RIC1: variants seen among roughly 807,000 people sequenced by gnomAD.
RIC1 encodes guanine nucleotide exchange factor subunit RIC1.
Under a neutral mutation model 169.0 loss-of-function variants are expected in RIC1, and 88 were observed. The ratio of observed to expected loss-of-function variants is 0.52; its 90% CI spans 0.44 to 0.62. The LOEUF (loss-of-function observed/expected upper bound fraction) is 0.62. Among genes scored for constraint, RIC1 ranks in the 20% least tolerant of loss-of-function variants. RIC1 has a pLI of 0.00. For synonymous variants in RIC1, 790 were observed against 601.5 expected, an observed-to-expected ratio of 1.31 and a Z score of -4.59; for missense variants, 1,877 against 1,725.5, an observed-to-expected ratio of 1.09 and a Z score of -1.56.
chr9:5,730,729 C>T (rs576157869), intron 6 of RIC1, among the ~76,000 whole-genome samples: 3 of 152,188 alleles, frequency 2.0e-5, no homozygotes, highest in Admixed American at 2.0e-4. Context: ...TTGAGATGTA[C>T]ATTTCATTTT....
chr9:5,671,871 T>G (rs1396359823), intron 2 of RIC1, among the ~76,000 whole-genome samples: 1 of 152,132 alleles, frequency 6.6e-6, no homozygotes, highest in African/African-American at 2.4e-5. Flanking sequence ...TGAGACAGGA[T>G]CTGAGATTTC....
At chr9:5,760,674 A>G (rs985445932) in intron 17 of RIC1, among the ~76,000 whole-genome samples, 1 of 152,160 alleles carries the variant, frequency 6.6e-6, no homozygotes, top group African/African-American at 2.4e-5. Flanking sequence ...CCTAAATTCC[A>G]TGTTCACTTC....
chr9:5,666,900 T>A (rs1819804487), intron 2 of RIC1, among the ~76,000 whole-genome samples: 1 of 152,242 alleles, frequency 6.6e-6, no homozygotes, highest in Non-Finnish European at 1.5e-5. Flanking sequence ...TACAACTCTT[T>A]ATTGTATTCT....
Position 5,774,258 on chromosome 9 carries a change from C to T in RIC1, c.*12C>T, listed in dbSNP as rs767776113. On this transcript the variant is annotated 3_prime_UTR_variant, in exon 26 of 26. Transcript: ENST00000414202. Reference sequence around the variant, plus strand: ...GTTCTGTGTCCTAACAGTGAGGTTCCATCACAAAGGGGCAGTATTAATTAG... The same window carrying T: ...GTTCTGTGTCCTAACAGTGAGGTTCTATCACAAAGGGGCAGTATTAATTAG... The T allele has an allele frequency of 6.3e-7, 1 of 1,589,896 alleles. No individual in the cohort carries two copies. Among genetic ancestry groups the T allele is most frequent in the Non-Finnish European group, 8.6e-7 (1 of 1,167,256 alleles).
intron 2 of RIC1, among the ~76,000 whole-genome samples, chr9:5,660,806 G>T (rs1340691203): frequency 1.3e-5 from 2 of 151,986 alleles, no homozygotes; most frequent in South Asian, 2.1e-4. Flanking sequence ...TTGTTTATCT[G>T]CTCACTCCAA....
chr9:5,693,565 C>G (rs1330759617), intron 3 of RIC1, among the ~76,000 whole-genome samples: 1 of 152,114 alleles, frequency 6.6e-6, no homozygotes, highest in Non-Finnish European at 1.5e-5. Flanking sequence ...ATTAGTTACA[C>G]AGACCAGTGG....
intron 1 of RIC1, among the ~76,000 whole-genome samples, chr9:5,637,037 G>C (rs879877221): frequency 3.3e-5 from 5 of 151,908 alleles, no homozygotes; most frequent in Admixed American, 6.6e-5. Flanking sequence ...GAACACAGTA[G>C]GTATATATTT....
intron 2 of RIC1, among the ~76,000 whole-genome samples, chr9:5,682,414 A>T (rs940688018): frequency 6.6e-6 from 1 of 152,146 alleles, no homozygotes; most frequent in Admixed American, 6.6e-5. Flanking sequence ...TCTTTCACTT[A>T]TGAAGCTTAG....
chr9:5,742,614 G>A (rs148888003), intron 8 of RIC1, among the ~76,000 whole-genome samples: 27 of 152,076 alleles, frequency 1.8e-4, no homozygotes, highest in Non-Finnish European at 3.1e-4. Flanking sequence ...AGTTAATCAA[G>A]CTAATAGTGA....
chr9:5,729,450 G>A (rs1046575484), intron 6 of RIC1, among the ~76,000 whole-genome samples: 6 of 152,058 alleles, frequency 3.9e-5, no homozygotes, highest in Non-Finnish European at 5.9e-5. Flanking sequence ...AAATTTAGAC[G>A]TTTCTCAGCA....
chr9:5,710,202 C>G (rs2130812906), intron 3 of RIC1, among the ~76,000 whole-genome samples: 1 of 152,298 alleles, frequency 6.6e-6, no homozygotes, highest in East Asian at 1.9e-4. Context: ...AGGACTGGTA[C>G]TACAGAATAT....
At chr9:5,714,912 T>A (rs1823141365) in intron 4 of RIC1, among the ~76,000 whole-genome samples, 1 of 152,200 alleles carries the variant, frequency 6.6e-6, no homozygotes, top group African/African-American at 2.4e-5. Flanking sequence ...CATGCTACTT[T>A]TAAAAAAATC....
chr9:5,644,884 A>G (rs954782472), intron 1 of RIC1, among the ~76,000 whole-genome samples: 2 of 152,196 alleles, frequency 1.3e-5, no homozygotes, highest in African/African-American at 2.4e-5. Flanking sequence ...CCAATAATGT[A>G]TGGAAGTTTC....
intron 1 of RIC1, among the ~76,000 whole-genome samples, chr9:5,632,688 G>A (rs745685441): frequency 3.3e-5 from 5 of 152,132 alleles, no homozygotes; most frequent in Admixed American, 2.0e-4. Flanking sequence ...ATTGTAAAAG[G>A]ACTAGTTTCA....
intron 4 of RIC1, among the ~76,000 whole-genome samples, chr9:5,718,060 A>T (rs997824971): frequency 3.6e-5 from 5 of 138,744 alleles, no homozygotes; most frequent in African/African-American, 1.3e-4. Context: ...GAATCACTTG[A>T]ACCTGGGAGG....
intron 7 of RIC1, among the ~76,000 whole-genome samples, chr9:5,736,115 A>G (rs1182645134): frequency 1.3e-5 from 2 of 152,238 alleles, no homozygotes; most frequent in African/African-American, 4.8e-5. Flanking sequence ...TATTTAAAAC[A>G]TGGACTCCTC....
intron 11 of RIC1, among the ~76,000 whole-genome samples, chr9:5,746,673 G>A (rs185855066): frequency 6.6e-6 from 1 of 152,192 alleles, no homozygotes; most frequent in African/African-American, 2.4e-5. Context: ...ACTGCCTCTT[G>A]TATTTCTATC....
At chr9:5,654,044 G>A (rs1818950606) in intron 1 of RIC1, among the ~76,000 whole-genome samples, 1 of 152,074 alleles carries the variant, frequency 6.6e-6, no homozygotes, top group African/African-American at 2.4e-5. Context: ...CTATCACTTA[G>A]GCTGGAGTGC....
intron 3 of RIC1, among the ~76,000 whole-genome samples, chr9:5,701,037 G>A (rs1178119448): frequency 6.6e-6 from 1 of 151,986 alleles, no homozygotes; most frequent in Non-Finnish European, 1.5e-5. Flanking sequence ...TTCCCTTCAT[G>A]TTTCTTCTCA....
Sources: allele counts gnomAD v4.1 joint callset (sites outside exome capture counted in the v4.1 genomes callset), GRCh38; gene constraint gnomAD v4.1.1; transcripts MANE v1.5; gene names NCBI Gene and HGNC (gene_info 2026-07-23, HGNC 2026-07-21).